Variants in CNBD1 observed in about 807,000 individuals in gnomAD.
CNBD1 encodes cyclic nucleotide-binding domain-containing protein 1.
A neutral mutation model predicts 54.4 loss-of-function variants in CNBD1; 71 were observed. The observed-to-expected ratio is 1.30, with a 90% CI of 1.08 to 1.59. The LOEUF (loss-of-function observed/expected upper bound fraction) is 1.59, where lower values mean the gene tolerates loss of function less well. Among genes scored for constraint, CNBD1 ranks in the 40% most tolerant of loss-of-function variants. The pLI, the probability that CNBD1 is intolerant of heterozygous loss-of-function variation, is 0.00. For missense variants in CNBD1, 659 were observed against 518.0 expected (o/e 1.27, Z -2.64); for synonymous variants, 182 against 170.7 (o/e 1.07, Z -0.51).
At chr8:87,084,441 GT>G (rs1344414947) in intron 4 of CNBD1, among the ~76,000 whole-genome samples, 2 of 152,072 alleles carry the variant, frequency 1.3e-5, no homozygotes, top group Non-Finnish European at 2.9e-5. Context: ...TTTGAGAGAT[GT>G]TCCCACTAAT....
At chr8:87,205,179 AT>A (rs1813945373) in intron 4 of CNBD1, among the ~76,000 whole-genome samples, 2 of 152,068 alleles carry the variant, frequency 1.3e-5, no homozygotes, top group Non-Finnish European at 2.9e-5. Flanking sequence ...AATTTTAAAA[AT>A]TTGCTTGAAA....
intron 2 of CNBD1, among the ~76,000 whole-genome samples, chr8:87,396,414 A>G (rs183063185): frequency 2.6e-5 from 4 of 152,056 alleles, no homozygotes; most frequent in African/African-American, 9.6e-5. Context: ...CCTAACTTAT[A>G]ATCAGCTGCT....
chr8:87,004,274 G>A (rs1291412678), intron 4 of CNBD1, among the ~76,000 whole-genome samples: 2 of 152,110 alleles, frequency 1.3e-5, no homozygotes, highest in Admixed American at 1.3e-4. Context: ...GTGGGAGCAG[G>A]CACTTCTCAT....
chr8:87,400,784 C>A (rs1456252989), intron 2 of CNBD1, among the ~76,000 whole-genome samples: 1 of 151,912 alleles, frequency 6.6e-6, no homozygotes, highest in African/African-American at 2.4e-5. Flanking sequence ...AAAGATAAAT[C>A]TAAACTCTTA....
chr8:86,953,467 C>T (rs1807679017), intron 4 of CNBD1, among the ~76,000 whole-genome samples: 1 of 152,214 alleles, frequency 6.6e-6, no homozygotes, highest in Non-Finnish European at 1.5e-5. Flanking sequence ...TGATTGATAA[C>T]ACAACCTCAG....
rs71275901 is a variant in CNBD1 at position 86,951,581 on chromosome 8, CAAAAAA to C, written c.431+11860_431+11865del. ...GGTGACAGAGCGAGGCTCCGTCTCA[CAAAAAA>C]AAAAAAAAAAAAAAAAAAAAAAAAA... On this transcript the variant is annotated intron_variant, in intron 4 of 10. Coordinates refer to ENST00000518476, the MANE Select transcript of CNBD1 (RefSeq NM_173538.3). 2.4e-3 allele frequency among the ~76,000 whole-genome samples: 89 copies of C among 37,338 alleles called. 2 individuals carry two copies. Among genetic ancestry groups the C allele is most frequent in the Admixed American group, 3.1e-3 (6 of 1,956 alleles). 24.5% of individuals were successfully genotyped at this position (37,338 alleles called of 152,430 possible).
intron 2 of CNBD1, among the ~76,000 whole-genome samples, chr8:87,421,888 C>T (rs1203507022): frequency 6.9e-5 from 10 of 145,028 alleles, no homozygotes; most frequent in Non-Finnish European, 1.2e-4. Flanking sequence ...TACAGTCCCA[C>T]CAACAGTGTA....
chr8:86,954,512 A>C (rs1807708632), intron 4 of CNBD1, among the ~76,000 whole-genome samples: 1 of 152,216 alleles, frequency 6.6e-6, no homozygotes, highest in African/African-American at 2.4e-5. Context: ...TGTTTTAGCC[A>C]TTAGCTTTAT....
In CNBD1 at chr8:87,275,437, C is replaced by A. The variant is rs193137267; in HGVS notation, c.772-9241C>A. On this transcript the variant is annotated intron_variant, in intron 6 of 10. Coordinates refer to ENST00000518476, the MANE Select transcript of CNBD1 (RefSeq NM_173538.3). ...GAATGTTCTTCCATTTGTTTGTATC[C>A]GCTTTTATTTCATTGAGCAGTGGTT... 3.2e-3 allele frequency among the ~76,000 whole-genome samples: 479 copies of A among 152,052 alleles called. 2 individuals carry two copies. Among genetic ancestry groups the A allele is most frequent in the African/African-American group, 0.011 (445 of 41,464 alleles).
At chr8:87,146,926 C>T (rs567844221) in intron 4 of CNBD1, among the ~76,000 whole-genome samples, 1 of 152,182 alleles carries the variant, frequency 6.6e-6, no homozygotes, top group Non-Finnish European at 1.5e-5. Flanking sequence ...AGACACAAAT[C>T]AAATTATGTT....
intron 8 of CNBD1, among the ~76,000 whole-genome samples, chr8:87,350,470 A>AT (rs34180155): frequency 6.6e-6 from 1 of 151,716 alleles, no homozygotes; most frequent in African/African-American, 2.4e-5. Context: ...GTTGATGTTT[A>AT]TTTTTTGCTG....
chr8:87,241,268 A>ATTTTTTTTT (rs34829455), intron 6 of CNBD1, among the ~76,000 whole-genome samples: 31 of 93,852 alleles, frequency 3.3e-4, no homozygotes, highest in African/African-American at 1.3e-3. Context: ...TATTTGGAAG[A>ATTTTTTTTT]TTTTTTTTTT....
rs1208507561 is a variant in CNBD1, at chr8:87,113,037, A to G, written c.432-92956A>G. Among the ~76,000 whole-genome samples, 4 of 152,216 alleles carry G rather than the reference A, an allele frequency of 2.6e-5. No individual in the cohort carries two copies. The South Asian group carries it at 8.3e-4, about 31-fold the overall frequency. On this transcript the variant is annotated intron_variant, in intron 4 of 10. Transcript: ENST00000518476. ...CTGATCCCATAGGGAGCTCTGAAGT[A>G]TAAATTGCATCATAGAGACTGTCCT...
intron 4 of CNBD1, among the ~76,000 whole-genome samples, chr8:86,998,809 G>A (rs950753869): frequency 3.0e-4 from 45 of 152,292 alleles, no homozygotes; most frequent in African/African-American, 9.9e-4. Context: ...GTCCCATCTA[G>A]TTTTTATGCC....
At chr8:87,369,806 A>T (rs1026761604) in intron 10 of CNBD1, among the ~76,000 whole-genome samples, 18 of 151,866 alleles carry the variant, frequency 1.2e-4, no homozygotes, top group African/African-American at 4.4e-4. Context: ...TACATGCGCC[A>T]TGCTGGTGTG....
intron 4 of CNBD1, among the ~76,000 whole-genome samples, chr8:87,180,791 T>G (rs1813296179): frequency 6.6e-6 from 1 of 152,150 alleles, no homozygotes; most frequent in Non-Finnish European, 1.5e-5. Flanking sequence ...AGTCCATATT[T>G]TATGTACTAG....
chr8:87,045,090 G>A (rs1358679874), intron 4 of CNBD1, among the ~76,000 whole-genome samples: 2 of 152,096 alleles, frequency 1.3e-5, no homozygotes, highest in Non-Finnish European at 1.5e-5. Flanking sequence ...GTGTTGTGTC[G>A]AGAACACCAG....
chr8:87,029,698 A>T (rs1408804050), intron 4 of CNBD1, among the ~76,000 whole-genome samples: 1 of 152,162 alleles, frequency 6.6e-6, no homozygotes, highest in Non-Finnish European at 1.5e-5. Flanking sequence ...TTTTGTTAAA[A>T]GTCTTAAATA....
intron 2 of CNBD1, among the ~76,000 whole-genome samples, chr8:87,388,271 A>G (rs1473194970): frequency 2.0e-5 from 3 of 152,108 alleles, no homozygotes; most frequent in Non-Finnish European, 4.4e-5. Flanking sequence ...AACTGAAGGA[A>G]TTAGAGACAC....
Sources: allele counts gnomAD v4.1 joint callset (sites outside exome capture counted in the v4.1 genomes callset), GRCh38; gene constraint gnomAD v4.1.1; transcripts MANE v1.5; gene names NCBI Gene and HGNC (gene_info 2026-07-23, HGNC 2026-07-21).